NCKAP1L: variants seen among roughly 807,000 people sequenced by gnomAD.
NCKAP1L encodes the protein nck-associated protein 1-like.
Under a neutral mutation model 139.2 loss-of-function variants are expected in NCKAP1L, and 53 were observed. That is an observed-to-expected ratio of 0.38 (90% CI 0.31 to 0.48). NCKAP1L has a LOEUF of 0.48. Ranked by LOEUF, NCKAP1L falls within the 20% of genes least tolerant of loss-of-function variation. NCKAP1L has a pLI of 0.98. For synonymous variants in NCKAP1L, 468 were observed against 499.7 expected, an observed-to-expected ratio of 0.94 and a Z score of 0.85; for missense variants, 1,151 against 1,381.9, an observed-to-expected ratio of 0.83 and a Z score of 2.65.
chr12:54,511,929 C>T lies in NCKAP1L; in HGVS notation c.785-20C>T. ...AACAAGTTCTAAAAGTCTTCCTCTG[C>T]ACTGTTTTCCCACCTACAGTTGGGT... On this transcript the variant is annotated intron_variant, in intron 8 of 30. Transcript: ENST00000293373. 1 of 1,614,160 alleles carries T rather than the reference C, an allele frequency of 6.2e-7. No individual in the cohort carries two copies. The highest frequency in any genetic ancestry group is 8.5e-7 in the Non-Finnish European group (1 of 1,179,996).
intron 21 of NCKAP1L, among the ~76,000 whole-genome samples, chr12:54,527,238 C>T (rs1957033770): frequency 6.6e-6 from 1 of 152,212 alleles, no homozygotes; most frequent in South Asian, 2.1e-4. Flanking sequence ...GCACTGTTTC[C>T]TTTGACATGT....
chr12:54,529,596 T>G (rs1158774181), intron 22 of NCKAP1L, among the ~76,000 whole-genome samples: 5 of 152,160 alleles, frequency 3.3e-5, no homozygotes, highest in African/African-American at 9.7e-5. Flanking sequence ...CCCGCCTCCA[T>G]CAGTAAGCTG....
chr12:54,520,988 T>A, intron 17 of NCKAP1L, 131 bp from the exon 18 acceptor site: 1 of 1,502,470 alleles, frequency 6.7e-7, no homozygotes, highest in East Asian at 2.3e-5. Context: ...TCTCTGGGCC[T>A]CAGTTTCTTC....
rs1388175583 is a variant in NCKAP1L, at chr12:54,520,728, A to G, written c.1660A>G (p.Met554Val). The change falls in exon 17 of 31, where the codon ATG becomes GTG. Residue 554 changes from methionine to valine, a missense_variant. Transcript: ENST00000293373. ...HLRIFEKMFAMTLEESAMLRY... is the reference protein window; with the variant it reads ...HLRIFEKMFAVTLEESAMLRY... ...TCGTATCTTTGAGAAGATGTTTGCC[A>G]TGACCTTGGAGGAATCTGCCATGTT... 3 of 1,614,154 alleles carry G rather than the reference A, an allele frequency of 1.9e-6. No homozygotes were observed. The highest frequency in any genetic ancestry group is 2.2e-5 in the East Asian group (1 of 44,870).
chr12:54,519,029 C>T (rs1405594839), intron 15 of NCKAP1L, 57 bp downstream of exon 15: 1 of 1,568,190 alleles, frequency 6.4e-7, no homozygotes, highest in African/African-American at 1.4e-5. Flanking sequence ...CCCCCACAAT[C>T]CCTTCTCTTT....
At position 54,509,150 on chromosome 12, in the gene NCKAP1L, T is replaced by C. The variant is rs1472321119; in HGVS notation, c.507-519T>C. On this transcript the variant is annotated intron_variant, in intron 5 of 30. Transcript: ENST00000293373. ...CCAAATATAAATGGATTTTGAATTG[T>C]CTGCAGTTCTGTCCCCCTCCATTAG... Among the ~76,000 whole-genome samples the C allele has an allele frequency of 3.3e-5, 5 of 152,306 alleles. 1 individual carries two copies. The highest frequency in any genetic ancestry group is 9.6e-5 in the African/African-American group (4 of 41,560).
At chr12:54,542,016 G>A (rs1425406787) in intron 30 of NCKAP1L, among the ~76,000 whole-genome samples, 1 of 151,784 alleles carries the variant, frequency 6.6e-6, no homozygotes, top group African/African-American at 2.4e-5. Context: ...GGGGGCTGCT[G>A]GGATTACCGC....
chr12:54,500,653 T>A, intron 3 of NCKAP1L, 28 bp downstream of exon 3: 1 of 1,398,258 alleles, frequency 7.2e-7, no homozygotes, highest in Non-Finnish European at 1.0e-6. Context: ...GTTTCCAATG[T>A]AGGCAAGGTC....
intron 1 of NCKAP1L, 89 bp from the exon 2 acceptor site, chr12:54,499,266 G>A (rs552222104): frequency 1.5e-5 from 12 of 820,174 alleles, no homozygotes; most frequent in African/African-American, 3.5e-5. Context: ...CTTTTCCTAA[G>A]ACAGATTATG....
intron 30 of NCKAP1L, among the ~76,000 whole-genome samples, chr12:54,539,647 T>C (rs780800280): frequency 2.6e-5 from 4 of 152,240 alleles, no homozygotes; most frequent in Non-Finnish European, 4.4e-5. Context: ...TCCATGTTAG[T>C]AATGCACTTA....
chr12:54,518,869 G>C (rs367818517), intron 14 of NCKAP1L, 45 bp from the exon 15 acceptor site: 99 of 1,548,284 alleles, frequency 6.4e-5, no homozygotes, highest in Non-Finnish European at 8.7e-5. Context: ...TTGGATATTG[G>C]TGTGCTGTTT....
intron 26 of NCKAP1L, among the ~76,000 whole-genome samples, chr12:54,532,458 G>A (rs1957080340): frequency 6.6e-6 from 1 of 152,088 alleles, no homozygotes; most frequent in Admixed American, 6.5e-5. Flanking sequence ...GTGGGAGGCT[G>A]GGAGACACTA....
At chr12:54,542,505 C>A in intron 30 of NCKAP1L, 70 bp from the exon 31 acceptor site, 1 of 1,187,608 alleles carries the variant, frequency 8.4e-7, no homozygotes, top group Non-Finnish European at 1.3e-6. Context: ...GGGAACTATG[C>A]AAAAGGAACA....
At chr12:54,533,854 G>A (rs1411950396) in intron 26 of NCKAP1L, among the ~76,000 whole-genome samples, 1 of 152,260 alleles carries the variant, frequency 6.6e-6, no homozygotes, top group African/African-American at 2.4e-5. Context: ...ACAGGCATGA[G>A]CCATTGCTCT....
intron 3 of NCKAP1L, among the ~76,000 whole-genome samples, chr12:54,507,559 AC>A: frequency 6.6e-6 from 1 of 152,300 alleles, no homozygotes; most frequent in East Asian, 1.9e-4. Context: ...ACATTTTACA[AC>A]CTTTTTTAAT....
At chr12:54,514,600 G>A (rs568657931) in intron 9 of NCKAP1L, among the ~76,000 whole-genome samples, 2 of 152,272 alleles carry the variant, frequency 1.3e-5, no homozygotes, top group African/African-American at 4.8e-5. Flanking sequence ...TGGGATTACA[G>A]GCGTGAGCCA....
At chr12:54,541,673 A>C (rs1191542858) in intron 30 of NCKAP1L, among the ~76,000 whole-genome samples, 2 of 152,202 alleles carry the variant, frequency 1.3e-5, no homozygotes, top group African/African-American at 4.8e-5. Flanking sequence ...AGAGAGAGAA[A>C]CACGTTAGAG....
Position 54,547,280 on chromosome 12 carries a change from G to T in NCKAP1L, c.*4595G>T, listed in dbSNP as rs1957204424. 1 of 152,148 alleles carries T rather than the reference G, an allele frequency of 6.6e-6. No homozygotes were observed. The highest frequency in any genetic ancestry group is 2.4e-5 in the African/African-American group (1 of 41,428). 9.4% of individuals were successfully genotyped at this position (152,148 alleles called of 1,614,324 possible). A position where few individuals can be genotyped will look rare whatever the true frequency, so the allele number is the denominator to read the frequency against. The stretch of plus-strand genomic sequence containing the variant: ...GGACTGGTGACTAAAGAAAGTGAAA[G>T]GAGCCACAGAGTGAAAAAGGCTGAT... On this transcript the variant is annotated 3_prime_UTR_variant, in exon 31 of 31. Coordinates refer to ENST00000293373, the MANE Select transcript of NCKAP1L (RefSeq NM_005337.5).
intron 3 of NCKAP1L, among the ~76,000 whole-genome samples, chr12:54,505,220 G>A (rs1187579283): frequency 6.6e-6 from 1 of 152,242 alleles, no homozygotes; most frequent in African/African-American, 2.4e-5. Flanking sequence ...CCTGCACAGG[G>A]CACATTTTGG....
Sources: allele counts gnomAD v4.1 joint callset (sites outside exome capture counted in the v4.1 genomes callset), GRCh38; gene constraint gnomAD v4.1.1; transcripts MANE v1.5; gene names NCBI Gene and HGNC (gene_info 2026-07-23, HGNC 2026-07-21).